Variants in CDKN2B-AS1 observed in about 807,000 individuals in gnomAD.
CDKN2B-AS1 encodes CDKN2B and CDKN2A antisense cis and trans regulatory RNA 1.
At chr9:22,125,308 C>A (rs1282660261) in intron 4 of CDKN2B-AS1, among the ~76,000 whole-genome samples, 3 of 152,152 alleles carry the variant, frequency 2.0e-5, no homozygotes, top group African/African-American at 7.2e-5. Context: ...TGGTAATATC[C>A]AATAAAGAAT....
chr9:22,051,173 T>G (rs1389753916), intron 3 of CDKN2B-AS1, among the ~76,000 whole-genome samples: 2 of 152,200 alleles, frequency 1.3e-5, no homozygotes, highest in Non-Finnish European at 2.9e-5. Context: ...AGCCTGCTCC[T>G]TTAAGGGGCC....
intron 4 of CDKN2B-AS1, among the ~76,000 whole-genome samples, chr9:22,110,150 T>G (rs1158970938): frequency 6.6e-6 from 1 of 152,178 alleles, no homozygotes; most frequent in African/African-American, 2.4e-5. Flanking sequence ...AGATACTTAA[T>G]CCACTATTAT....
intron 4 of CDKN2B-AS1, among the ~76,000 whole-genome samples, chr9:22,106,975 G>T (rs1825676430): frequency 6.6e-6 from 1 of 152,158 alleles, no homozygotes; most frequent in South Asian, 2.1e-4. Flanking sequence ...CAAGGTAATT[G>T]TCCTATCAGA....
intron 1 of CDKN2B-AS1, chr9:22,012,258 G>GTCT: frequency 7.0e-7 from 1 of 1,436,462 alleles, no homozygotes; most frequent in Admixed American, 1.7e-5. Flanking sequence ...GACAAGGAGG[G>GTCT]TATCCCCCCT....
At chr9:22,047,962 A>AT (rs34728798) in intron 2 of CDKN2B-AS1, among the ~76,000 whole-genome samples, 230 of 145,710 alleles carry the variant, frequency 1.6e-3, no homozygotes, top group Middle Eastern at 3.5e-3. Flanking sequence ...TAATTTTTGT[A>AT]TTTTTTTTTT....
intron 1 of CDKN2B-AS1, among the ~76,000 whole-genome samples, chr9:22,041,494 A>G (rs186147999): frequency 2.0e-5 from 3 of 152,164 alleles, no homozygotes; most frequent in South Asian, 2.1e-4. Context: ...ACCCTGAGAC[A>G]ATTTTTGTTT....
At chr9:22,014,837 T>A (rs552363599) in intron 1 of CDKN2B-AS1, among the ~76,000 whole-genome samples, 1 of 143,890 alleles carries the variant, frequency 6.9e-6, no homozygotes, top group African/African-American at 2.5e-5. Flanking sequence ...TCAATTCCCA[T>A]CTATGAGTGA....
chr9:22,053,462 A>G (rs746898270), intron 3 of CDKN2B-AS1, among the ~76,000 whole-genome samples: 1 of 152,208 alleles, frequency 6.6e-6, no homozygotes, highest in African/African-American at 2.4e-5. Flanking sequence ...TGTTTCACCT[A>G]GCAGCTTGGC....
chr9:22,010,367 A>T (rs1204561473), intron 1 of CDKN2B-AS1, among the ~76,000 whole-genome samples: 3 of 152,198 alleles, frequency 2.0e-5, no homozygotes, highest in Non-Finnish European at 4.4e-5. Context: ...TTGCCTAAAA[A>T]CTTTGGTGAG....
At chr9:22,091,181 T>C (rs1164149970) in intron 4 of CDKN2B-AS1, among the ~76,000 whole-genome samples, 2 of 152,220 alleles carry the variant, frequency 1.3e-5, no homozygotes, top group Non-Finnish European at 2.9e-5. Flanking sequence ...GTTCCATTGG[T>C]CTATATCTCT....
At chr9:22,086,761 ATTTAT>A (rs1213478426) in intron 4 of CDKN2B-AS1, among the ~76,000 whole-genome samples, 1 of 152,132 alleles carries the variant, frequency 6.6e-6, no homozygotes, top group Non-Finnish European at 1.5e-5. Flanking sequence ...CTATCCATTT[ATTTAT>A]TTTGAGATCT....
At chr9:22,086,572 C>T (rs1824874497) in intron 4 of CDKN2B-AS1, among the ~76,000 whole-genome samples, 1 of 152,148 alleles carries the variant, frequency 6.6e-6, no homozygotes, top group African/African-American at 2.4e-5. Flanking sequence ...CCCATGACTT[C>T]TCTGAAGCTT....
At chr9:22,048,515 C>T (rs1203624811) in intron 2 of CDKN2B-AS1, among the ~76,000 whole-genome samples, 1 of 152,146 alleles carries the variant, frequency 6.6e-6, no homozygotes, top group Non-Finnish European at 1.5e-5. Flanking sequence ...CAATCAGTTT[C>T]ATACATATAC....
At chr9:22,126,675 C>T (rs1191375458) in intron 4 of CDKN2B-AS1, among the ~76,000 whole-genome samples, 2 of 150,816 alleles carry the variant, frequency 1.3e-5, no homozygotes, top group African/African-American at 2.5e-5. Flanking sequence ...GGAGTTCACG[C>T]CATTCTCCTG....
Position 22,059,471 on chromosome 9 carries a change from C to T in CDKN2B-AS1, n.438+3084C>T, listed in dbSNP as rs576180944. ...TATGCTGATGCAGGAGGTGGGTTGC[C>T]ATGGTCTTGGGCAGCTCCGTCCCTG... On this transcript the variant is annotated intron_variant and non_coding_transcript_variant, in intron 4 of 4. Transcript: ENST00000650946. Among the ~76,000 whole-genome samples, 80 of 152,336 alleles carry T rather than the reference C, an allele frequency of 5.3e-4. 1 individual carries two copies. The highest frequency in any genetic ancestry group is 3.3e-4 in the Admixed American group (5 of 15,306).
chr9:22,022,692 G>A (rs1169474776), intron 1 of CDKN2B-AS1, among the ~76,000 whole-genome samples: 1 of 152,086 alleles, frequency 6.6e-6, no homozygotes, highest in East Asian at 1.9e-4. Context: ...TTGCTTTGCA[G>A]ACTTGTTTTT....
At chr9:22,059,301 A>G (rs961943695) in intron 4 of CDKN2B-AS1, among the ~76,000 whole-genome samples, 1 of 152,202 alleles carries the variant, frequency 6.6e-6, no homozygotes, top group Admixed American at 6.5e-5. Context: ...TGGTACCAGT[A>G]TTGAGTAAAT....
intron 1 of CDKN2B-AS1, chr9:22,009,191 G>A (rs1322950618): frequency 4.8e-6 from 3 of 630,424 alleles, no homozygotes; most frequent in Non-Finnish European, 5.6e-6. Context: ...GGCGCGCCTG[G>A]ATTGCTTCTG....
chr9:22,007,837 A>T (rs1037328903), intron 1 of CDKN2B-AS1, among the ~76,000 whole-genome samples: 1 of 152,180 alleles, frequency 6.6e-6, no homozygotes, highest in Non-Finnish European at 1.5e-5. Flanking sequence ...TGCACTTTAC[A>T]ATATTTTTGC....
Sources: gnomAD v4.1 joint callset for allele counts (sites outside exome capture counted in the v4.1 genomes callset) on GRCh38, gnomAD v4.1.1 for gene constraint, MANE v1.5 for transcripts, NCBI Gene and HGNC (gene_info 2026-07-23, HGNC 2026-07-21) for gene names.